Variants in WAPL observed in about 807,000 individuals in gnomAD.
The protein encoded by WAPL is WAPL cohesin release factor, also known as wings apart-like protein homolog.
Under a neutral mutation model 121.0 loss-of-function variants are expected in WAPL, and 5 were observed. That is an observed-to-expected ratio of 0.04 (90% CI 0.02 to 0.09). The LOEUF is 0.09. Ranked by LOEUF, WAPL falls within the 10% of genes least tolerant of loss-of-function variation. The pLI is 1.00. For missense variants in WAPL, 999 were observed against 1,410.8 expected (o/e 0.71, Z 4.68); for synonymous variants, 480 against 481.5 (o/e 1.00, Z 0.04).
chr10:86,455,020 T>TGG (rs376667029), intron 12 of WAPL, among the ~76,000 whole-genome samples: 1 of 144,874 alleles, frequency 6.9e-6, no homozygotes, highest in Admixed American at 6.9e-5. Context: ...GTCCGGGAGG[T>TGG]GGGGGGCAGC....
chr10:86,440,646 G>C (rs2132162613), intron 17 of WAPL, among the ~76,000 whole-genome samples: 1 of 152,082 alleles, frequency 6.6e-6, no homozygotes, highest in African/African-American at 2.4e-5. Context: ...TCCTGTGTGT[G>C]ATGGGTTTCT....
At chr10:86,508,613 G>A (rs182871397) in intron 2 of WAPL, among the ~76,000 whole-genome samples, 93 of 152,202 alleles carry the variant, frequency 6.1e-4, no homozygotes, top group Admixed American at 1.3e-3. Context: ...AGCATTCCGC[G>A]TCAGTCAATA....
At chr10:86,507,059 G>T (rs1221172406) in intron 2 of WAPL, among the ~76,000 whole-genome samples, 3 of 140,322 alleles carry the variant, frequency 2.1e-5, no homozygotes, top group Admixed American at 1.4e-4. Flanking sequence ...AGTAAGGAAA[G>T]ATTTAAAAAA....
Position 86,521,675 on chromosome 10 carries a change from C to T in WAPL, c.-333G>A. ...GCTGGGCCGCCGCCGCCTCCTGCGC[C>T]GCCGCTTCCGCCGGTGAATGGTCAG... On this transcript the variant is annotated 5_prime_UTR_variant, in exon 1 of 19. Transcript: ENST00000298767. The T allele has an allele frequency of 2.2e-6, 1 of 463,690 alleles. No individual in the cohort carries two copies. Among genetic ancestry groups the T allele is most frequent in the South Asian group, 1.6e-5 (1 of 63,518 alleles). The allele number at this position is 463,690 out of a possible 1,614,324, so 28.7% of individuals were successfully genotyped here.
At chr10:86,489,372 T>A (rs1841993321) in intron 4 of WAPL, among the ~76,000 whole-genome samples, 1 of 152,234 alleles carries the variant, frequency 6.6e-6, no homozygotes, top group Non-Finnish European at 1.5e-5. Context: ...TACATCAATG[T>A]TAACTCTTTG....
chr10:86,503,561 G>C (rs777838180), intron 2 of WAPL, among the ~76,000 whole-genome samples: 10 of 151,850 alleles, frequency 6.6e-5, no homozygotes, highest in Non-Finnish European at 1.0e-4. Context: ...GACCATCCTG[G>C]CTAACACAGT....
At chr10:86,501,700 C>T (rs1398863521) in intron 2 of WAPL, among the ~76,000 whole-genome samples, 1 of 152,198 alleles carries the variant, frequency 6.6e-6, no homozygotes, top group Non-Finnish European at 1.5e-5. Context: ...GCCCTCAAGA[C>T]AGGATCTCAC....
chr10:86,448,769 C>T (rs770153407), intron 15 of WAPL, among the ~76,000 whole-genome samples: 1 of 151,994 alleles, frequency 6.6e-6, no homozygotes, highest in Admixed American at 6.6e-5. Context: ...CACATGCCAC[C>T]ACACCTGGCT....
At chr10:86,520,084 C>T (rs1168664588) in intron 1 of WAPL, among the ~76,000 whole-genome samples, 2 of 152,142 alleles carry the variant, frequency 1.3e-5, no homozygotes, top group South Asian at 2.1e-4. Flanking sequence ...TCACCTGAGG[C>T]CAGGAGTTCG....
intron 2 of WAPL, among the ~76,000 whole-genome samples, chr10:86,516,634 A>G (rs772023487): frequency 3.9e-5 from 6 of 152,082 alleles, no homozygotes; most frequent in Non-Finnish European, 8.8e-5. Flanking sequence ...CCTCAATATT[A>G]GCTCTTCAGT....
At chr10:86,505,994 T>C (rs1010164637) in intron 2 of WAPL, among the ~76,000 whole-genome samples, 1 of 152,202 alleles carries the variant, frequency 6.6e-6, no homozygotes, top group Non-Finnish European at 1.5e-5. Context: ...CACTGGTTCA[T>C]GACAGTAATA....
chr10:86,521,596 G>T lies in WAPL; in HGVS notation c.-254C>A. The T allele has an allele frequency of 2.2e-6, 1 of 453,048 alleles. No homozygotes were observed. 28.1% of individuals were successfully genotyped at this position (453,048 alleles called of 1,614,324 possible). ...GCGCCGCCGGCCGGGCCCAGGCCTA[G>T]CTCTCGCTGGCCGCCACTGCTGGAG... On this transcript the variant is annotated 5_prime_UTR_variant, in exon 1 of 19. Coordinates refer to ENST00000298767, the MANE Select transcript of WAPL (RefSeq NM_015045.5).
At chr10:86,451,583 A>T (rs1370747937) in intron 15 of WAPL, among the ~76,000 whole-genome samples, 1 of 151,582 alleles carries the variant, frequency 6.6e-6, no homozygotes, top group Non-Finnish European at 1.5e-5. Context: ...AGTAGAGATG[A>T]GGTTTCACCA....
intron 2 of WAPL, among the ~76,000 whole-genome samples, chr10:86,517,025 T>A (rs540773104): frequency 1.3e-5 from 2 of 152,058 alleles, no homozygotes; most frequent in South Asian, 2.1e-4. Context: ...GGAGCCAGCA[T>A]GGGCGACAGC....
intron 12 of WAPL, among the ~76,000 whole-genome samples, chr10:86,455,865 C>T (rs895727532): frequency 3.3e-5 from 5 of 151,748 alleles, no homozygotes; most frequent in East Asian, 1.9e-4. Context: ...GAAAAGAAGG[C>T]GATATTACTG....
intron 4 of WAPL, among the ~76,000 whole-genome samples, chr10:86,482,170 A>G (rs745308669): frequency 1.5e-4 from 23 of 152,184 alleles, no homozygotes; most frequent in Non-Finnish European, 3.2e-4. Context: ...CTATTTAGAT[A>G]TAAGTTGAGT....
At chr10:86,508,670 T>C (rs192493637) in intron 2 of WAPL, among the ~76,000 whole-genome samples, 134 of 152,180 alleles carry the variant, frequency 8.8e-4, no homozygotes, top group Middle Eastern at 6.8e-3. Context: ...ATCACTTCTC[T>C]GGTTTCCCTT....
chr10:86,438,140 A>ATT, intron 17 of WAPL, 125 bp from the exon 18 acceptor site: 1 of 604,670 alleles, frequency 1.7e-6, no homozygotes, highest in East Asian at 2.8e-5. Context: ...ACACGTGGTT[A>ATT]TTTATTCTCT....
chr10:86,500,094 C>T lies in WAPL; in HGVS notation c.1149G>A (p.Glu383=). Residue 383 remains glutamate, a synonymous_variant, in exon 3 of 19, where the codon GAG becomes GAA. Coordinates refer to ENST00000298767, the MANE Select transcript of WAPL (RefSeq NM_015045.5). ...IQDTMERSMD[E]FTASTPADLG... is the part of the protein sequence containing the mutation. The stretch of plus-strand genomic sequence containing the variant: ...AATCTGCAGGAGTGGATGCAGTGAA[C>T]TCATCCATGCTGCGTTCCATAGTAT... 1 of 1,614,130 alleles carries T rather than the reference C, an allele frequency of 6.2e-7. No individual in the cohort carries two copies. The highest frequency in any genetic ancestry group is 8.5e-7 in the Non-Finnish European group (1 of 1,180,026).
Sources: gnomAD v4.1 joint callset for allele counts (sites outside exome capture counted in the v4.1 genomes callset) on GRCh38, gnomAD v4.1.1 for gene constraint, MANE v1.5 for transcripts, NCBI Gene and HGNC (gene_info 2026-07-23, HGNC 2026-07-21) for gene names.